The following RXYLT1 variants were observed in gnomAD, a reference collection of about 807,000 sequenced individuals.
RXYLT1 encodes ribitol xylosyltransferase 1, also known as ribitol-5-phosphate xylosyltransferase 1.
RXYLT1 carries 41 observed loss-of-function variants against 43.5 expected under a neutral mutation model. The observed-to-expected ratio is 0.94, with a 90% confidence interval of 0.73 to 1.22. The LOEUF is 1.22. RXYLT1 is among the 50% of genes most tolerant of loss of function. RXYLT1 has a pLI of 0.00. For synonymous variants in RXYLT1, 166 were observed against 194.4 expected (o/e 0.85, Z 1.21); for missense variants, 514 against 532.0 (o/e 0.97, Z 0.33).
intron 3 of RXYLT1, among the ~76,000 whole-genome samples, chr12:63,788,735 C>G (rs924867778): frequency 6.6e-6 from 1 of 152,192 alleles, no homozygotes; most frequent in Non-Finnish European, 1.5e-5. Flanking sequence ...TCCATATGAG[C>G]AATAAGACTA....
intron 3 of RXYLT1, among the ~76,000 whole-genome samples, chr12:63,792,984 A>G (rs1225119777): frequency 6.6e-6 from 1 of 152,166 alleles, no homozygotes; most frequent in African/African-American, 2.4e-5. Context: ...ATAGCATACT[A>G]CAGCCTCTAA....
chr12:63,782,556 T>C, intron 2 of RXYLT1: 1 of 456,640 alleles, frequency 2.2e-6, no homozygotes, highest in Non-Finnish European at 4.4e-6. Flanking sequence ...GCTGGCAGCG[T>C]TTCTGCTCAT....
intron 3 of RXYLT1, among the ~76,000 whole-genome samples, chr12:63,797,624 G>A (rs1898064590): frequency 6.6e-6 from 1 of 152,200 alleles, no homozygotes; most frequent in African/African-American, 2.4e-5. Flanking sequence ...ATCATGGTGG[G>A]CCTTGTATGT....
intron 3 of RXYLT1, among the ~76,000 whole-genome samples, chr12:63,800,419 G>T (rs1898133600): frequency 6.6e-6 from 1 of 152,160 alleles, no homozygotes; most frequent in Admixed American, 6.5e-5. Flanking sequence ...ATTCTATCAG[G>T]ATATAAAGAA....
chr12:63,805,269 C>T lies in RXYLT1; in HGVS notation c.779C>T (p.Ser260Leu). Residue 260 changes from serine (S) to leucine (L), a missense_variant, in exon 5 of 6, where the codon TCA (serine) becomes TTA (leucine). Physicochemically the swap from Ser to Leu is moderately radical, Grantham distance 145. Coordinates refer to ENST00000261234, the MANE Select transcript of RXYLT1 (RefSeq NM_014254.3). ...RNFPVVEASW[S>L]MLHDERPYLC... Reference sequence around the variant, plus strand: ...TTTCCTGTGGTGGAGGCAAGTTGGTCAATGCTGCATGATGAGAGGCCATAT... The same window carrying T: ...TTTCCTGTGGTGGAGGCAAGTTGGTTAATGCTGCATGATGAGAGGCCATAT... The T allele has an allele frequency of 6.2e-7, 1 of 1,608,700 alleles. No homozygotes were observed.
In RXYLT1 at chr12:63,800,541, GGTT is replaced by G. The variant is rs532453511; in HGVS notation, c.429-1546_429-1544del. Among the ~76,000 whole-genome samples the G allele has an allele frequency of 3.1e-3, 476 of 152,232 alleles. 5 individuals carry two copies. Among genetic ancestry groups the G allele is most frequent in the African/African-American group, 0.011 (444 of 41,540 alleles). On this transcript the variant is annotated intron_variant, in intron 3 of 5. Coordinates refer to ENST00000261234, the MANE Select transcript of RXYLT1 (RefSeq NM_014254.3). ...CTAGTGAAAATATTTCAATGGTACT[GGTT>G]GTTCTAGGCAGCACTTAATATGAAA...
intron 3 of RXYLT1, among the ~76,000 whole-genome samples, chr12:63,786,477 C>T (rs529740886): frequency 7.9e-5 from 12 of 151,598 alleles, no homozygotes; most frequent in African/African-American, 2.9e-4. Flanking sequence ...TTACACTGTA[C>T]TACAGTCTAT....
In RXYLT1 at chr12:63,802,110, G is replaced by A. The variant is rs1199022095; in HGVS notation, c.448G>A (p.Val150Ile). ...TAACAGCTTCATCACTGGTCCAGCT[G>A]TAATACCAGGGTACTTCTCCGTTGA... ...TQYSFITGPAVIPGYFSVDVN... is the reference protein window; with the variant it reads ...TQYSFITGPAIIPGYFSVDVN... Residue 150 changes from valine (V) to isoleucine (I), a missense_variant, in exon 4 of 6, where the codon GTA becomes ATA. Physicochemically the swap from Val to Ile is conservative, Grantham distance 29. Coordinates refer to ENST00000261234, the MANE Select transcript of RXYLT1 (RefSeq NM_014254.3). 5 of 1,602,824 alleles carry A rather than the reference G, an allele frequency of 3.1e-6. No individual in the cohort carries two copies. Among genetic ancestry groups the A allele is most frequent in the Admixed American group, 3.4e-5 (2 of 58,344 alleles).
chr12:63,780,948 T>C, intron 1 of RXYLT1, 71 bp from the exon 2 acceptor site: 2 of 1,286,688 alleles, frequency 1.6e-6, no homozygotes, highest in Non-Finnish European at 2.0e-6. Flanking sequence ...TAACACTTAA[T>C]TTAAATGATT....
At position 63,808,803 on chromosome 12, in the gene RXYLT1, G is replaced by A. The variant is rs1898374778; in HGVS notation, c.1043G>A (p.Gly348Asp). 6.2e-7 allele frequency: 1 copy of A among 1,613,986 alleles called. No homozygotes were observed. Among genetic ancestry groups the A allele is most frequent in the Non-Finnish European group, 8.5e-7 (1 of 1,180,010 alleles). The change falls in exon 6 of 6, where the codon GGC becomes GAC. Residue 348 changes from glycine to aspartate, a missense_variant. By Grantham distance (94) the Gly-to-Asp change is moderately conservative. Transcript: ENST00000261234. Reference sequence around the variant, plus strand: ...CGAATCTATGAGGCTTGCTCCTATGGCTCCATTCCTGTGGTGGAAGACGTG... The same window carrying A: ...CGAATCTATGAGGCTTGCTCCTATGACTCCATTCCTGTGGTGGAAGACGTG... The part of the protein sequence containing the change: ...CYRIYEACSY[G>D]SIPVVEDVMT...
At chr12:63,799,839 T>C (rs933567486) in intron 3 of RXYLT1, among the ~76,000 whole-genome samples, 2 of 152,202 alleles carry the variant, frequency 1.3e-5, no homozygotes, top group African/African-American at 4.8e-5. Flanking sequence ...AAATACAAAG[T>C]ATTCGTATGC....
intron 3 of RXYLT1, among the ~76,000 whole-genome samples, chr12:63,797,551 A>G (rs73313425): frequency 0.018 from 2,805 of 152,304 alleles, 96 homozygotes; most frequent in African/African-American, 0.064. Context: ...AAACCAATCA[A>G]TATTCCTAGA....
chr12:63,781,968 C>T (rs1897694431), intron 2 of RXYLT1, among the ~76,000 whole-genome samples: 1 of 152,156 alleles, frequency 6.6e-6, no homozygotes, highest in African/African-American at 2.4e-5. Flanking sequence ...AAGATTACTA[C>T]CAACCTCTAA....
At chr12:63,802,947 T>C (rs1441457114) in intron 4 of RXYLT1, among the ~76,000 whole-genome samples, 6 of 151,506 alleles carry the variant, frequency 4.0e-5, no homozygotes, top group African/African-American at 1.2e-4. Context: ...ACTAGGCAGA[T>C]TGCTCGAGTC....
intron 5 of RXYLT1, 67 bp from the exon 6 acceptor site, chr12:63,808,607 AG>A (rs1488634476): frequency 3.3e-6 from 5 of 1,502,048 alleles, no homozygotes; most frequent in Non-Finnish European, 4.5e-6. Flanking sequence ...TTAAAAGATA[AG>A]GTATTTTTGT....
chr12:63,791,477 T>C (rs896425294), intron 3 of RXYLT1, among the ~76,000 whole-genome samples: 16 of 152,232 alleles, frequency 1.1e-4, no homozygotes, highest in Non-Finnish European at 2.1e-4. Context: ...GAATAAAACA[T>C]GTCAGATGGC....
At chr12:63,784,339 C>T (rs1897753841) in intron 2 of RXYLT1, among the ~76,000 whole-genome samples, 1 of 152,138 alleles carries the variant, frequency 6.6e-6, no homozygotes, top group Admixed American at 6.5e-5. Flanking sequence ...TGTATGGTCT[C>T]CATAGTGCCT....
chr12:63,784,505 A>G (rs1897757463), intron 2 of RXYLT1, among the ~76,000 whole-genome samples: 2 of 152,292 alleles, frequency 1.3e-5, no homozygotes, highest in African/African-American at 2.4e-5. Context: ...AGGAGGAGGT[A>G]ATATCCCCTT....
In RXYLT1 at chr12:63,802,098, A is replaced by C; in HGVS notation, c.436A>C (p.Thr146Pro). 1 of 1,588,748 alleles carries C rather than the reference A, an allele frequency of 6.3e-7. No homozygotes were observed. The highest frequency in any genetic ancestry group is 8.6e-7 in the Non-Finnish European group (1 of 1,166,802). The change falls in exon 4 of 6, where the codon ACT becomes CCT. Residue 146 changes from threonine (T) to proline (P), a missense_variant. Thr to Pro is a conservative substitution (Grantham distance 38). Transcript: ENST00000261234. ...IVGRTQYSFI[T>P]GPAVIPGYFS... Reference sequence around the variant, plus strand: ...TTGTGTTGTTTTTAACAGCTTCATCACTGGTCCAGCTGTAATACCAGGGTA... The same window carrying C: ...TTGTGTTGTTTTTAACAGCTTCATCCCTGGTCCAGCTGTAATACCAGGGTA...
Sources: allele counts gnomAD v4.1 joint callset (sites outside exome capture counted in the v4.1 genomes callset), GRCh38; gene constraint gnomAD v4.1.1; transcripts MANE v1.5; gene names NCBI Gene and HGNC (gene_info 2026-07-23, HGNC 2026-07-21).